BICRA: variants seen among roughly 807,000 people sequenced by gnomAD.
BICRA encodes BRD4-interacting chromatin-remodeling complex-associated protein.
A neutral mutation model predicts 96.9 loss-of-function variants in BICRA; 31 were observed. The ratio of observed to expected loss-of-function variants is 0.32; its 90% CI spans 0.24 to 0.43. BICRA has a LOEUF of 0.43. Among genes scored for constraint, BICRA ranks in the 20% least tolerant of loss-of-function variants. BICRA has a pLI of 1.00. For synonymous variants in BICRA, 1,350 were observed against 1,071.8 expected, an observed-to-expected ratio of 1.26 and a Z score of -5.07; for missense variants, 2,283 against 2,190.3, an observed-to-expected ratio of 1.04 and a Z score of -0.84.
intron 7 of BICRA, among the ~76,000 whole-genome samples, chr19:47,690,831 A>G (rs1212087215): frequency 1.3e-5 from 2 of 151,760 alleles, no homozygotes; most frequent in African/African-American, 4.8e-5. Flanking sequence ...TTTGATGAGA[A>G]TGAAATTAAA....
At chr19:47,655,883 A>ATAAAAT in intron 1 of BICRA, among the ~76,000 whole-genome samples, 1 of 151,532 alleles carries the variant, frequency 6.6e-6, no homozygotes, top group African/African-American at 2.4e-5. Flanking sequence ...AAAAATAAAA[A>ATAAAAT]TAAAAACGTC....
intron 1 of BICRA, among the ~76,000 whole-genome samples, chr19:47,649,227 T>C (rs1332067379): frequency 6.6e-6 from 1 of 151,848 alleles, no homozygotes; most frequent in African/African-American, 2.4e-5. Context: ...CCTCAAGTGA[T>C]CCACCTGCCT....
Position 47,679,905 on chromosome 19 carries a change from C to T in BICRA, c.735C>T (p.Leu245=). Residue 245 remains leucine, a synonymous_variant, in exon 6 of 15, where the codon CTC becomes CTT. Transcript: ENST00000594866. ...IQVVGQPVMA[L]NTPTSQLLAK... is the part of the protein sequence containing the mutation. ...TGGTGGGCCAGCCCGTCATGGCGCT[C>T]AACACGCCCACCTCCCAGCTCCTGG... The T allele has an allele frequency of 6.6e-7, 1 of 1,522,178 alleles. No individual in the cohort carries two copies. The highest frequency in any genetic ancestry group is 2.0e-4 in the Middle Eastern group (1 of 5,094). 94.3% of individuals were successfully genotyped at this position (1,522,178 alleles called of 1,614,324 possible). A position where few individuals can be genotyped will look rare whatever the true frequency, so the allele number is the denominator to read the frequency against.
At chr19:47,613,042 G>A (rs182494950) in intron 1 of BICRA, among the ~76,000 whole-genome samples, 289 of 152,226 alleles carry the variant, frequency 1.9e-3, no homozygotes, top group African/African-American at 6.6e-3. Flanking sequence ...GATCTTTTTG[G>A]GGGGCTGGTG....
intron 1 of BICRA, among the ~76,000 whole-genome samples, chr19:47,644,744 G>A (rs144271598): frequency 6.6e-6 from 1 of 152,090 alleles, no homozygotes; most frequent in Admixed American, 6.5e-5. Context: ...CAAGTGATCC[G>A]CCTGCCTTGG....
chr19:47,633,167 A>G (rs1599796990), intron 1 of BICRA, among the ~76,000 whole-genome samples: 1 of 131,884 alleles, frequency 7.6e-6, no homozygotes, highest in South Asian at 2.4e-4. Flanking sequence ...TGCAACCTCC[A>G]CCTCTAAAAT....
At chr19:47,647,909 C>T (rs970818001) in intron 1 of BICRA, among the ~76,000 whole-genome samples, 8 of 138,740 alleles carry the variant, frequency 5.8e-5, no homozygotes, top group East Asian at 2.1e-4. Context: ...AGTGGGGGGC[C>T]GTTTGGCATA....
intron 1 of BICRA, among the ~76,000 whole-genome samples, chr19:47,667,089 G>A (rs1390161077): frequency 6.6e-6 from 1 of 150,498 alleles, no homozygotes; most frequent in African/African-American, 2.4e-5. Context: ...CACGATCTCG[G>A]CTCACTGCAA....
At chr19:47,640,376 A>G (rs1480620962) in intron 1 of BICRA, among the ~76,000 whole-genome samples, 2 of 152,002 alleles carry the variant, frequency 1.3e-5, no homozygotes, top group African/African-American at 4.8e-5. Context: ...CTAAAAATAG[A>G]AAAATCAGCC....
At chr19:47,610,749 A>G (rs1262524012) in intron 1 of BICRA, among the ~76,000 whole-genome samples, 2 of 152,058 alleles carry the variant, frequency 1.3e-5, no homozygotes, top group African/African-American at 4.8e-5. Context: ...GAGATTCATG[A>G]TAAGCTCTCT....
chr19:47,650,847 T>C (rs1013341303), intron 1 of BICRA, among the ~76,000 whole-genome samples: 9 of 152,126 alleles, frequency 5.9e-5, no homozygotes, highest in African/African-American at 2.2e-4. Context: ...TGAGGGCTTG[T>C]GTGCACCACA....
chr19:47,681,125 C>T lies in BICRA; in HGVS notation c.1955C>T (p.Thr652Ile), dbSNP rs1336312596. ...GCGCAGCAGCCCCCGCAGGCCCCCA[C>T]CCCACAGGCCGCCGCCCCGCCTCAG... is the stretch of plus-strand genomic sequence containing the variant. ...PQAQQPPQAP[T>I]PQAAAPPQAT... Residue 652 changes from threonine to isoleucine, a missense_variant, in exon 6 of 15, where the codon ACC becomes ATC. Transcript: ENST00000594866. The T allele has an allele frequency of 6.7e-7, 1 of 1,492,758 alleles. No individual in the cohort carries two copies. The highest frequency in any genetic ancestry group is 1.2e-5 in the South Asian group (1 of 82,032). The allele number at this position is 1,492,758 out of a possible 1,614,324, so 92.5% of individuals were successfully genotyped here. A position where few individuals can be genotyped will look rare whatever the true frequency, so the allele number is the denominator to read the frequency against.
At chr19:47,639,110 C>T (rs1972344686) in intron 1 of BICRA, among the ~76,000 whole-genome samples, 2 of 151,496 alleles carry the variant, frequency 1.3e-5, no homozygotes, top group African/African-American at 4.9e-5. Context: ...CTCAAGTGAT[C>T]CTCCCATCTC....
At chr19:47,630,159 CT>C (rs778786532) in intron 1 of BICRA, among the ~76,000 whole-genome samples, 1,521 of 103,386 alleles carry the variant, frequency 0.015, 7 homozygotes, top group African/African-American at 0.036. Context: ...TTGGCCAATT[CT>C]TTTTTTTTTT....
chr19:47,620,472 G>A (rs1425605569), intron 1 of BICRA, among the ~76,000 whole-genome samples: 1 of 151,892 alleles, frequency 6.6e-6, no homozygotes, highest in African/African-American at 2.4e-5. Flanking sequence ...TTTGAGACCA[G>A]CTTGGGCAAC....
intron 1 of BICRA, among the ~76,000 whole-genome samples, chr19:47,611,270 AT>A (rs375816707): frequency 1.3e-5 from 2 of 150,478 alleles, no homozygotes; most frequent in African/African-American, 2.4e-5. Flanking sequence ...AAGCGGCCAG[AT>A]TTTTTTTTTC....
At chr19:47,633,080 CTTTTTTTTT>C (rs34761702) in intron 1 of BICRA, among the ~76,000 whole-genome samples, 3 of 93,222 alleles carry the variant, frequency 3.2e-5, no homozygotes, top group African/African-American at 8.1e-5. Context: ...GATTTTATTT[CTTTTTTTTT>C]TTTTTTTTTT....
chr19:47,688,779 C>T (rs564493704), intron 7 of BICRA, among the ~76,000 whole-genome samples: 9 of 150,842 alleles, frequency 6.0e-5, no homozygotes, highest in Non-Finnish European at 1.2e-4. Context: ...GGTGACAGAG[C>T]GAGACTCCGT....
Position 47,699,041 on chromosome 19 carries a change from G to A in BICRA, c.3474G>A (p.Leu1158=). The A allele has an allele frequency of 1.3e-6, 2 of 1,572,994 alleles. No homozygotes were observed. Among genetic ancestry groups the A allele is most frequent in the Non-Finnish European group, 1.7e-6 (2 of 1,159,270 alleles). The change falls in exon 13 of 15, where the codon CTG becomes CTA. Residue 1158 remains leucine, a synonymous_variant. Transcript: ENST00000594866. The surrounding 1 kb of genome is among the most constrained non-coding windows in gnomAD (Gnocchi z 5.0). ...TQAMLNKYRL[L]LLEESRRVSP... is the part of the protein sequence containing the mutation. ...CCATGCTCAATAAATATCGGCTCCT[G>A]CTCCTGGAGGAGTCCCGGGTAGGGT...
Sources: gnomAD v4.1 joint callset for allele counts (sites outside exome capture counted in the v4.1 genomes callset) on GRCh38, gnomAD v4.1.1 for gene constraint, Gnocchi (gnomAD v3.1) non-coding constraint, MANE v1.5 for transcripts, NCBI Gene and HGNC (gene_info 2026-07-23, HGNC 2026-07-21) for gene names.